Variants in ARMH3 observed in about 807,000 individuals in gnomAD.
ARMH3 encodes armadillo like helical domain containing 3, also known as armadillo-like helical domain-containing protein 3.
In ARMH3, 60 loss-of-function variants were observed where a neutral mutation model predicts 99.1. That is an observed-to-expected ratio of 0.61 (90% CI 0.49 to 0.75). The LOEUF is 0.75. Ranked by LOEUF, ARMH3 falls within the 30% of genes least tolerant of loss-of-function variation. ARMH3 has a pLI of 0.00. For missense variants in ARMH3, 679 were observed against 843.1 expected, an observed-to-expected ratio of 0.81 and a Z score of 2.41; for synonymous variants, 285 against 292.8, an observed-to-expected ratio of 0.97 and a Z score of 0.27.
chr10:101,957,501 C>A (rs972967835), intron 21 of ARMH3, 149 bp downstream of exon 21: 6 of 757,064 alleles, frequency 7.9e-6, no homozygotes, highest in Non-Finnish European at 8.0e-6. Flanking sequence ...AGAGTGGGGA[C>A]CACCAGTCCA....
intron 1 of ARMH3, 46 bp from the exon 2 acceptor site, chr10:102,040,171 T>C: frequency 6.8e-7 from 1 of 1,465,768 alleles, no homozygotes; most frequent in Non-Finnish European, 9.6e-7. Context: ...ATACTCAGTA[T>C]GATACTATAA....
intron 23 of ARMH3, among the ~76,000 whole-genome samples, chr10:101,892,317 G>C (rs1353098753): frequency 6.6e-6 from 1 of 152,122 alleles, no homozygotes; most frequent in African/African-American, 2.4e-5. Flanking sequence ...GCCAGGGCCA[G>C]GTGTGGTGGC....
intron 20 of ARMH3, among the ~76,000 whole-genome samples, chr10:101,966,090 T>C (rs12761379): frequency 6.6e-6 from 1 of 151,076 alleles, no homozygotes; most frequent in Non-Finnish European, 1.5e-5. Context: ...AATTTTTTTT[T>C]CTTTTTCTTT....
intron 23 of ARMH3, among the ~76,000 whole-genome samples, chr10:101,930,575 T>C (rs1261846229): frequency 6.6e-6 from 1 of 152,026 alleles, no homozygotes; most frequent in Non-Finnish European, 1.5e-5. Context: ...TGGTCAGACA[T>C]CTCCTCAAAG....
chr10:102,048,465 C>T (rs1456850668), intron 1 of ARMH3, among the ~76,000 whole-genome samples: 2 of 152,172 alleles, frequency 1.3e-5, no homozygotes, highest in Admixed American at 6.6e-5. Context: ...CTCACTGTGT[C>T]GCCCAGGCTG....
intron 20 of ARMH3, among the ~76,000 whole-genome samples, chr10:101,968,266 T>C (rs1291937393): frequency 6.6e-6 from 1 of 152,054 alleles, no homozygotes; most frequent in Non-Finnish European, 1.5e-5. Flanking sequence ...CTATACCACC[T>C]GCTCCTTTCC....
chr10:101,995,815 C>T (rs758366646), intron 15 of ARMH3, among the ~76,000 whole-genome samples: 3 of 152,218 alleles, frequency 2.0e-5, no homozygotes, highest in Non-Finnish European at 2.9e-5. Context: ...AAGAAATTAA[C>T]TGGAGACTAG....
intron 23 of ARMH3, among the ~76,000 whole-genome samples, chr10:101,900,610 TAA>T (rs1421337856): frequency 6.6e-6 from 1 of 152,218 alleles, no homozygotes; most frequent in Non-Finnish European, 1.5e-5. Context: ...CAATTTATTA[TAA>T]GACACTTAAA....
intron 8 of ARMH3, among the ~76,000 whole-genome samples, chr10:102,021,841 C>T (rs750404551): frequency 5.9e-5 from 9 of 152,072 alleles, no homozygotes; most frequent in Admixed American, 5.2e-4. Context: ...CCATCGCGCC[C>T]GGCCAACCAG....
chr10:101,924,851 G>T (rs1843448263), intron 23 of ARMH3, among the ~76,000 whole-genome samples: 1 of 151,832 alleles, frequency 6.6e-6, no homozygotes, highest in Non-Finnish European at 1.5e-5. Flanking sequence ...AAAATTAGCT[G>T]GGTGTGGTGG....
intron 23 of ARMH3, among the ~76,000 whole-genome samples, chr10:101,935,198 T>TATATATATATATAC (rs1491294491): frequency 3.5e-5 from 5 of 141,222 alleles, no homozygotes; most frequent in Non-Finnish European, 6.1e-5. Flanking sequence ...TATATATATA[T>TATATATATATATAC]ACATTTTTTG....
chr10:102,002,647 G>A (rs1274059948), intron 14 of ARMH3, among the ~76,000 whole-genome samples: 1 of 152,010 alleles, frequency 6.6e-6, no homozygotes, highest in South Asian at 2.1e-4. Flanking sequence ...TAAGGGAACT[G>A]AAAGTAATAG....
chr10:101,933,024 A>C (rs1843787978), intron 23 of ARMH3, among the ~76,000 whole-genome samples: 1 of 152,166 alleles, frequency 6.6e-6, no homozygotes, highest in African/African-American at 2.4e-5. Context: ...GTCTCTACTA[A>C]AAATACAAAA....
At chr10:101,957,152 T>C (rs1845077540) in intron 21 of ARMH3, among the ~76,000 whole-genome samples, 1 of 152,188 alleles carries the variant, frequency 6.6e-6, no homozygotes, top group Non-Finnish European at 1.5e-5. Flanking sequence ...ATGCTACGAA[T>C]CAAGACTTTT....
At chr10:102,049,407 T>A (rs1652959434) in intron 1 of ARMH3, among the ~76,000 whole-genome samples, 1 of 151,906 alleles carries the variant, frequency 6.6e-6, no homozygotes. Flanking sequence ...CCACGCATCG[T>A]GGCAAGTGCC....
rs975006771 is a variant in ARMH3, at chr10:101,990,451, G to A, written c.1406+100C>T. The stretch of plus-strand genomic sequence containing the variant: ...CTCCCAAGGTGCTGGTATTACAGGC[G>A]TGAGCCATGGCGCCCGGCCTACACA... On this transcript the variant is annotated intron_variant, in intron 19 of 25. Transcript: ENST00000370033. The A allele has an allele frequency of 3.3e-5, 29 of 888,364 alleles. 1 individual carries two copies. The highest frequency in any genetic ancestry group is 3.2e-4 in the Middle Eastern group (1 of 3,152). The allele number at this position is 888,364 out of a possible 1,614,324, so 55.0% of individuals were successfully genotyped here.
chr10:102,018,515 T>A (rs1028740325), intron 8 of ARMH3, among the ~76,000 whole-genome samples: 1 of 152,228 alleles, frequency 6.6e-6, no homozygotes, highest in South Asian at 2.1e-4. Flanking sequence ...GGTGGTCCCA[T>A]GAGATTATAA....
chr10:102,041,257 A>C (rs1244924164), intron 1 of ARMH3, among the ~76,000 whole-genome samples: 1 of 151,560 alleles, frequency 6.6e-6, no homozygotes, highest in Non-Finnish European at 1.5e-5. Flanking sequence ...GAAATCCCAC[A>C]GGTCTTTACT....
Position 101,849,857 on chromosome 10 carries a change from G to C in ARMH3, c.1896C>G (p.Leu632=). 6.2e-7 allele frequency: 1 copy of C among 1,614,148 alleles called. No individual in the cohort carries two copies. Among genetic ancestry groups the C allele is most frequent in the Non-Finnish European group, 8.5e-7 (1 of 1,180,038 alleles). Reference sequence around the variant, plus strand: ...CCAGGCCATCCTGCAGCTTCAGCGTGAGCGTGTCATAGTTGGCTCTCACCA... The same window carrying C: ...CCAGGCCATCCTGCAGCTTCAGCGTCAGCGTGTCATAGTTGGCTCTCACCA... ...LEVVRANYDT[L]TLKLQDGLDQ... Residue 632 remains leucine, a synonymous_variant, in exon 25 of 26, where the codon CTC becomes CTG. Coordinates refer to ENST00000370033, the MANE Select transcript of ARMH3 (RefSeq NM_024541.3).
Sources: gnomAD v4.1 joint callset for allele counts (sites outside exome capture counted in the v4.1 genomes callset) on GRCh38, gnomAD v4.1.1 for gene constraint, MANE v1.5 for transcripts, NCBI Gene and HGNC (gene_info 2026-07-23, HGNC 2026-07-21) for gene names.